The following CSMD1 variants were observed in gnomAD, a reference collection of about 807,000 sequenced individuals.
The protein encoded by CSMD1 is CUB and sushi domain-containing protein 1.
A neutral mutation model predicts 417.5 loss-of-function variants in CSMD1; 213 were observed. That is an observed-to-expected ratio of 0.51 (90% CI 0.46 to 0.57). The LOEUF is 0.57. Among genes scored for constraint, CSMD1 ranks in the 20% least tolerant of loss-of-function variants. The pLI is 0.00. For missense variants in CSMD1, 6,923 were observed against 4,529.7 expected (o/e 1.53, Z -15.17); for synonymous variants, 2,862 against 1,736.8 (o/e 1.65, Z -16.11).
intron 3 of CSMD1, among the ~76,000 whole-genome samples, chr8:4,334,573 A>C (rs1800056302): frequency 6.6e-6 from 1 of 152,190 alleles, no homozygotes. Context: ...GATGGATGAC[A>C]GAGAGACATC....
chr8:3,882,616 A>G (rs1305913308), intron 5 of CSMD1, among the ~76,000 whole-genome samples: 1 of 152,198 alleles, frequency 6.6e-6, no homozygotes, highest in Non-Finnish European at 1.5e-5. Flanking sequence ...TAACCTTTGC[A>G]AACTGAAAAT....
intron 10 of CSMD1, among the ~76,000 whole-genome samples, chr8:3,524,386 C>T (rs574974100): frequency 1.2e-4 from 18 of 147,256 alleles, no homozygotes; most frequent in African/African-American, 3.8e-4. Context: ...CATGCACATA[C>T]ACACACATGC....
intron 1 of CSMD1, among the ~76,000 whole-genome samples, chr8:4,807,657 T>C (rs969612467): frequency 4.6e-5 from 7 of 152,186 alleles, no homozygotes; most frequent in African/African-American, 1.7e-4. Flanking sequence ...ATACTGTACA[T>C]GCACACGTAC....
intron 2 of CSMD1, among the ~76,000 whole-genome samples, chr8:4,444,479 T>A (rs1372620804): frequency 6.6e-6 from 1 of 150,752 alleles, no homozygotes; most frequent in Non-Finnish European, 1.5e-5. Flanking sequence ...ACATAAGCAG[T>A]CGCATTCAAT....
chr8:4,908,726 G>T (rs1183730686), intron 1 of CSMD1, among the ~76,000 whole-genome samples: 2 of 152,064 alleles, frequency 1.3e-5, no homozygotes, highest in African/African-American at 2.4e-5. Context: ...CTGTCACCAT[G>T]TTATTTTCTA....
chr8:4,591,372 G>A (rs767563873), intron 2 of CSMD1, among the ~76,000 whole-genome samples: 1 of 152,162 alleles, frequency 6.6e-6, no homozygotes, highest in Admixed American at 6.6e-5. Context: ...GGCCACCTTG[G>A]ATATATGAAT....
chr8:3,711,595 C>T (rs1022583070), intron 6 of CSMD1, among the ~76,000 whole-genome samples: 1 of 152,152 alleles, frequency 6.6e-6, no homozygotes, highest in East Asian at 1.9e-4. Flanking sequence ...TTTTCTCATC[C>T]TCATCTCTGT....
At chr8:4,049,450 G>A (rs1258056035) in intron 3 of CSMD1, among the ~76,000 whole-genome samples, 11 of 151,410 alleles carry the variant, frequency 7.3e-5, no homozygotes, top group Non-Finnish European at 1.5e-5. Context: ...CCTACGAGAT[G>A]TCACCCAGTC....
rs1393651794 is a variant in CSMD1 at position 4,137,566 on chromosome 8, A to G, written c.416-105467T>C. 2.3e-5 allele frequency among the ~76,000 whole-genome samples: 3 copies of G among 131,552 alleles called. 1 individual carries two copies. The highest frequency in any genetic ancestry group is 5.3e-5 in the Non-Finnish European group (3 of 56,626). The allele number at this position is 131,552 out of a possible 152,430, so 86.3% of individuals were successfully genotyped here. A position where few individuals can be genotyped will look rare whatever the true frequency, so the allele number is the denominator to read the frequency against. ...TATTATGTTTTCTTTGATGGTTACA[A>G]GATTTGATGTTAATGGAACTGGTTG... On this transcript the variant is annotated intron_variant, in intron 3 of 69. Coordinates refer to ENST00000635120, the MANE Select transcript of CSMD1 (RefSeq NM_033225.6).
intron 3 of CSMD1, among the ~76,000 whole-genome samples, chr8:4,392,783 C>G (rs1803937387): frequency 6.6e-6 from 1 of 151,610 alleles, no homozygotes; most frequent in East Asian, 2.0e-4. Context: ...TCCTGGCCAA[C>G]ATGGTGAAAC....
At chr8:4,255,998 G>C (rs1413210972) in intron 3 of CSMD1, among the ~76,000 whole-genome samples, 5 of 152,214 alleles carry the variant, frequency 3.3e-5, no homozygotes, top group Non-Finnish European at 2.9e-5. Flanking sequence ...GCAGGGTAGA[G>C]AGGGTTATCT....
chr8:4,111,038 A>G lies in CSMD1; in HGVS notation c.416-78939T>C, dbSNP rs535317889. On this transcript the variant is annotated intron_variant, in intron 3 of 69. Transcript: ENST00000635120. ...AATCAGGGACTCCCTGCGAAAGGAA[A>G]TAACTTAATAAACCTTGCACCGCAT... Among the ~76,000 whole-genome samples, 23 of 152,294 alleles carry G rather than the reference A, an allele frequency of 1.5e-4. 1 individual carries two copies. The South Asian group carries it at 4.4e-3, about 29-fold the overall frequency.
chr8:4,125,255 C>A (rs1386354294), intron 3 of CSMD1, among the ~76,000 whole-genome samples: 5 of 152,184 alleles, frequency 3.3e-5, no homozygotes, highest in Non-Finnish European at 5.9e-5. Context: ...CCATTCTATT[C>A]GAAGTCACCC....
At chr8:3,398,205 G>A (rs546900681) in intron 16 of CSMD1, among the ~76,000 whole-genome samples, 66 of 152,248 alleles carry the variant, frequency 4.3e-4, no homozygotes, top group Non-Finnish European at 7.6e-4. Flanking sequence ...GAGTCAGGGC[G>A]TGCTTCAGCT....
intron 10 of CSMD1, among the ~76,000 whole-genome samples, chr8:3,552,449 G>C (rs183405084): frequency 9.2e-5 from 14 of 152,138 alleles, no homozygotes; most frequent in African/African-American, 3.1e-4. Context: ...ATTGTTGTTA[G>C]GCAGTTATAA....
intron 3 of CSMD1, among the ~76,000 whole-genome samples, chr8:4,123,681 T>C (rs543507523): frequency 2.6e-5 from 4 of 152,352 alleles, no homozygotes; most frequent in South Asian, 2.1e-4. Flanking sequence ...GAAAACCTGA[T>C]GATAACTTCT....
chr8:3,037,304 C>G (rs1379881307), intron 50 of CSMD1, among the ~76,000 whole-genome samples: 1 of 148,374 alleles, frequency 6.7e-6, no homozygotes, highest in Non-Finnish European at 1.5e-5. Context: ...CTCCTGGGTT[C>G]ACGCCATTCT....
At chr8:4,514,448 T>C (rs925863668) in intron 2 of CSMD1, among the ~76,000 whole-genome samples, 6 of 152,152 alleles carry the variant, frequency 3.9e-5, no homozygotes, top group Admixed American at 2.6e-4. Flanking sequence ...AAGCCTGATA[T>C]GCATTTTTAA....
intron 7 of CSMD1, among the ~76,000 whole-genome samples, chr8:3,678,111 G>A (rs1244627800): frequency 2.0e-5 from 3 of 152,080 alleles, no homozygotes; most frequent in South Asian, 2.1e-4. Context: ...AGTGAGCGAC[G>A]CAGAAGACAG....
Sources: allele counts gnomAD v4.1 joint callset (sites outside exome capture counted in the v4.1 genomes callset), GRCh38; gene constraint gnomAD v4.1.1; transcripts MANE v1.5; gene names NCBI Gene and HGNC (gene_info 2026-07-23, HGNC 2026-07-21).